Variants in RALYL observed in about 807,000 individuals in gnomAD.
RALYL encodes the protein RNA-binding Raly-like protein.
In RALYL, 29 loss-of-function variants were observed where a neutral mutation model predicts 35.1. That is an observed-to-expected ratio of 0.83 (90% CI 0.61 to 1.13). The LOEUF (loss-of-function observed/expected upper bound fraction) is 1.13, where lower values mean the gene tolerates loss of function less well. RALYL is among the 50% of genes most tolerant of loss of function. The probability of loss-of-function intolerance (pLI) is 0.00; values close to 1 mark genes in which losing one functional copy is unlikely to be tolerated. For missense variants in RALYL, 359 were observed against 360.4 expected (o/e 1.00, Z 0.03); for synonymous variants, 120 against 127.6 (o/e 0.94, Z 0.40).
At chr8:84,891,729 T>C (rs1385675510) in intron 8 of RALYL, among the ~76,000 whole-genome samples, 3 of 152,184 alleles carry the variant, frequency 2.0e-5, no homozygotes, top group Non-Finnish European at 4.4e-5. Flanking sequence ...AAGGAGTCTC[T>C]CCTAGTGATT....
intron 7 of RALYL, among the ~76,000 whole-genome samples, chr8:84,885,635 A>G (rs1842825233): frequency 6.6e-6 from 1 of 152,152 alleles, no homozygotes; most frequent in African/African-American, 2.4e-5. Context: ...GCTTGTGTCT[A>G]TTTATATGAA....
At chr8:84,726,260 T>G (rs1044951326) in intron 2 of RALYL, among the ~76,000 whole-genome samples, 13 of 146,812 alleles carry the variant, frequency 8.9e-5, no homozygotes, top group Admixed American at 2.1e-4. Flanking sequence ...TATCTAATTT[T>G]ATTTTTATAT....
At chr8:84,569,869 A>G (rs115295212) in intron 2 of RALYL, among the ~76,000 whole-genome samples, 1 of 151,504 alleles carries the variant, frequency 6.6e-6, no homozygotes, top group African/African-American at 2.4e-5. Flanking sequence ...TTTATTTTTG[A>G]CCCTATTGTC....
At chr8:84,880,786 C>T (rs1029169040) in intron 7 of RALYL, among the ~76,000 whole-genome samples, 1 of 151,846 alleles carries the variant, frequency 6.6e-6, no homozygotes, top group South Asian at 2.1e-4. Flanking sequence ...TAAAAATCAC[C>T]TTTTAGTTGG....
At chr8:84,919,594 G>A (rs1423055958) in intron 8 of RALYL, among the ~76,000 whole-genome samples, 1 of 151,896 alleles carries the variant, frequency 6.6e-6, no homozygotes. Flanking sequence ...TGTGATCAGT[G>A]TACAGTATGA....
intron 1 of RALYL, among the ~76,000 whole-genome samples, chr8:84,415,208 T>TGTG: frequency 6.7e-6 from 1 of 150,248 alleles, no homozygotes; most frequent in African/African-American, 2.5e-5. Flanking sequence ...GACACTCGTT[T>TGTG]TTTTTTTTTT....
chr8:84,884,750 TA>T (rs1032290905), intron 7 of RALYL, among the ~76,000 whole-genome samples: 1 of 152,054 alleles, frequency 6.6e-6, no homozygotes, highest in African/African-American at 2.4e-5. Context: ...TGTTTGGGTT[TA>T]AAAAATTTAT....
At chr8:84,716,385 A>C (rs914463161) in intron 2 of RALYL, among the ~76,000 whole-genome samples, 3 of 152,204 alleles carry the variant, frequency 2.0e-5, no homozygotes, top group Admixed American at 6.5e-5. Context: ...TCACAATTAC[A>C]TAAAAATAAA....
chr8:84,868,524 A>T (rs1209365348), intron 6 of RALYL, among the ~76,000 whole-genome samples: 2 of 152,164 alleles, frequency 1.3e-5, no homozygotes, highest in Non-Finnish European at 2.9e-5. Context: ...ACATTACTTA[A>T]CTTCTCTAAT....
At chr8:84,296,600 G>A (rs1839787945) in intron 1 of RALYL, among the ~76,000 whole-genome samples, 2 of 148,734 alleles carry the variant, frequency 1.3e-5, no homozygotes, top group East Asian at 2.0e-4. Flanking sequence ...CCCTAGAGCA[G>A]GAGACATCTT....
rs151261830 is a variant in RALYL at position 84,629,791 on chromosome 8, C to G, written c.256+100214C>G. On this transcript the variant is annotated intron_variant, in intron 2 of 8. Coordinates refer to ENST00000521268, the MANE Select transcript of RALYL (RefSeq NM_173848.7). ...GTGGAATTATGTGTGATTATTTTCC[C>G]CTTTTGTGTGTTTTCTAATTTTCCT... Among the ~76,000 whole-genome samples the G allele has an allele frequency of 1.6e-3, 244 of 151,954 alleles. 2 individuals carry two copies. Among genetic ancestry groups the G allele is most frequent in the African/African-American group, 5.2e-3 (217 of 41,482 alleles).
intron 1 of RALYL, among the ~76,000 whole-genome samples, chr8:84,212,067 A>G (rs1222914277): frequency 6.6e-6 from 1 of 152,196 alleles, no homozygotes; most frequent in Non-Finnish European, 1.5e-5. Context: ...TGTGTTCTTA[A>G]CAATTGTGAA....
chr8:84,366,543 G>A (rs1854313484), intron 1 of RALYL, among the ~76,000 whole-genome samples: 1 of 152,148 alleles, frequency 6.6e-6, no homozygotes, highest in African/African-American at 2.4e-5. Context: ...TTGGGAGGCT[G>A]AGGAGGGCAG....
At chr8:84,196,869 T>C (rs543632303) in intron 1 of RALYL, among the ~76,000 whole-genome samples, 73 of 152,322 alleles carry the variant, frequency 4.8e-4, no homozygotes, top group African/African-American at 1.6e-3. Flanking sequence ...CTAAGAAATA[T>C]TAAATTTATC....
chr8:84,650,104 G>A (rs1224412885), intron 2 of RALYL, among the ~76,000 whole-genome samples: 14 of 151,902 alleles, frequency 9.2e-5, no homozygotes, highest in Admixed American at 3.3e-4. Context: ...GTGTATAAGA[G>A]TGCTTGTGAT....
At chr8:84,441,538 G>A (rs2048330795) in intron 1 of RALYL, among the ~76,000 whole-genome samples, 1 of 152,108 alleles carries the variant, frequency 6.6e-6, no homozygotes, top group South Asian at 2.1e-4. Flanking sequence ...TTTTGAGCTA[G>A]CTACAAAAAT....
intron 2 of RALYL, among the ~76,000 whole-genome samples, chr8:84,574,624 G>A (rs923234887): frequency 6.6e-6 from 1 of 151,966 alleles, no homozygotes; most frequent in Admixed American, 6.6e-5. Context: ...TGATATCATA[G>A]GACATACCTC....
chr8:84,362,105 A>G lies in RALYL; in HGVS notation c.-23-167194A>G, dbSNP rs1367999428. ...TTGTTGACTTTTCAGTGGGTAGTGG[A>G]GTGTTCTTAGCATTTATTCATTCTT... On this transcript the variant is annotated intron_variant, in intron 1 of 8. Transcript: ENST00000521268. Among the ~76,000 whole-genome samples the G allele has an allele frequency of 3.3e-5, 5 of 152,162 alleles. No individual in the cohort carries two copies. The East Asian group carries it at 9.6e-4, about 29-fold the overall frequency.
At chr8:84,197,470 G>T (rs954116246) in intron 1 of RALYL, among the ~76,000 whole-genome samples, 1 of 152,068 alleles carries the variant, frequency 6.6e-6, no homozygotes, top group Non-Finnish European at 1.5e-5. Flanking sequence ...TTACATTTTT[G>T]AGATGAATGG....
Sources: allele counts gnomAD v4.1 joint callset (sites outside exome capture counted in the v4.1 genomes callset), GRCh38; gene constraint gnomAD v4.1.1; transcripts MANE v1.5; gene names NCBI Gene and HGNC (gene_info 2026-07-23, HGNC 2026-07-21).